Variants in TRPC5 observed in about 807,000 individuals in gnomAD.
TRPC5 encodes short transient receptor potential channel 5.
Under a neutral mutation model 56.5 loss-of-function variants are expected in TRPC5, and 9 were observed. The ratio of observed to expected loss-of-function variants is 0.16; its 90% CI spans 0.10 to 0.28. The LOEUF is 0.28. TRPC5 is among the 10% of genes least tolerant of loss of function. TRPC5 has a pLI of 1.00. For synonymous variants in TRPC5, 282 were observed against 278.5 expected, an observed-to-expected ratio of 1.01 and a Z score of -0.13; for missense variants, 469 against 748.9, an observed-to-expected ratio of 0.63 and a Z score of 4.36.
chrX:111,916,472 C>T (rs993329112), intron 2 of TRPC5, among the ~76,000 whole-genome samples: 9 of 111,964 alleles, frequency 8.0e-5, no homozygotes, highest in African/African-American at 2.9e-4. Context: ...CCAGGCTGTG[C>T]AGAGACCACG....
intron 1 of TRPC5, among the ~76,000 whole-genome samples, chrX:111,998,136 A>G (rs189251508): frequency 1.2e-3 from 137 of 111,367 alleles, no homozygotes; most frequent in African/African-American, 4.3e-3. Flanking sequence ...GGTTTTATCT[A>G]CCTTTGGTCT....
intron 7 of TRPC5, among the ~76,000 whole-genome samples, chrX:111,805,294 A>G (rs1165794227): frequency 8.9e-6 from 1 of 111,770 alleles, no homozygotes; most frequent in African/African-American, 3.3e-5. Context: ...TTCATCAGGG[A>G]TATTGGTCTA....
At chrX:111,878,019 G>C (rs977247250) in intron 3 of TRPC5, among the ~76,000 whole-genome samples, 1 of 111,301 alleles carries the variant, frequency 9.0e-6, no homozygotes, top group Non-Finnish European at 1.9e-5. Context: ...TACTGATAGA[G>C]AGTGGGAAGT....
At position 112,050,036 on chromosome X, in the gene TRPC5, C is replaced by T. The variant is rs148700921; in HGVS notation, c.-22+31843G>A. Reference sequence around the variant, plus strand: ...ACTAAAAATACAAAAATTAGCTGGGCGTGGTGGTGCGTGCCTGTAATCCCA... The same window carrying T: ...ACTAAAAATACAAAAATTAGCTGGGTGTGGTGGTGCGTGCCTGTAATCCCA... On this transcript the variant is annotated intron_variant, in intron 1 of 10. Coordinates refer to ENST00000262839, the MANE Select transcript of TRPC5 (RefSeq NM_012471.3). Among the ~76,000 whole-genome samples, 11 of 111,535 alleles carry T rather than the reference C, an allele frequency of 9.9e-5. No individual in the cohort carries two copies. In the East Asian group the frequency reaches 2.0e-3, roughly 20 times the overall value.
chrX:111,963,784 T>G (rs1055342970), intron 1 of TRPC5, among the ~76,000 whole-genome samples: 1 of 111,484 alleles, frequency 9.0e-6, no homozygotes, highest in African/African-American at 3.3e-5. Context: ...GAAGGAAAAC[T>G]AACAAACAGA....
At chrX:111,867,301 G>C (rs182427296) in intron 3 of TRPC5, among the ~76,000 whole-genome samples, 1 of 111,963 alleles carries the variant, frequency 8.9e-6, no homozygotes, top group Non-Finnish European at 1.9e-5. Context: ...ATTCAATCTG[G>C]ATCTATTTAG....
At chrX:111,800,592 C>T (rs1490114626) in intron 7 of TRPC5, among the ~76,000 whole-genome samples, 6 of 110,085 alleles carry the variant, frequency 5.5e-5, no homozygotes, top group Non-Finnish European at 7.6e-5. Flanking sequence ...TGGTGAAACC[C>T]CCTCTCTACT....
intron 1 of TRPC5, among the ~76,000 whole-genome samples, chrX:112,015,937 T>C (rs1929110236): frequency 9.0e-6 from 1 of 111,729 alleles, no homozygotes; most frequent in Non-Finnish European, 1.9e-5. Flanking sequence ...GTTAGAACTG[T>C]CTTCTAGTAT....
chrX:111,861,965 G>A (rs1278038568), intron 3 of TRPC5, among the ~76,000 whole-genome samples: 2 of 111,075 alleles, frequency 1.8e-5, no homozygotes, highest in African/African-American at 6.5e-5. Flanking sequence ...TATTTTTACT[G>A]GTGGGAACTG....
rs779104460 is a variant in TRPC5 at position 111,768,912 on chromosome X, T to C, written c.*7401A>G. On this transcript the variant is annotated 3_prime_UTR_variant, in exon 11 of 11. Coordinates refer to ENST00000262839, the MANE Select transcript of TRPC5 (RefSeq NM_012471.3). The stretch of plus-strand genomic sequence containing the variant: ...GGACTACAGGTTACTTTGCCTTGGA[T>C]ATTTAAACTGATTGCTTAATATGTT... Among the ~76,000 whole-genome samples the C allele has an allele frequency of 8.9e-5, 10 of 111,942 alleles. No homozygotes were observed. The highest frequency in any genetic ancestry group is 7.5e-4 in the South Asian group (2 of 2,674).
intron 3 of TRPC5, chrX:111,902,180 G>T: frequency 9.1e-7 from 1 of 1,103,804 alleles, no homozygotes; most frequent in Non-Finnish European, 1.2e-6. Context: ...CTTAACAGGT[G>T]ACTAAGACCC....
chrX:111,937,223 C>T, intron 2 of TRPC5, among the ~76,000 whole-genome samples: 1 of 105,064 alleles, frequency 9.5e-6, no homozygotes, highest in Non-Finnish European at 1.9e-5. Context: ...TGTTGGAGTT[C>T]ATTGTAGATT....
chrX:112,029,864 G>A (rs896670260), intron 1 of TRPC5, among the ~76,000 whole-genome samples: 1 of 101,198 alleles, frequency 9.9e-6, no homozygotes, highest in African/African-American at 3.7e-5. Context: ...TTTCGCTCTT[G>A]TTACCCAGAC....
At chrX:111,862,695 C>G (rs1178007121) in intron 3 of TRPC5, among the ~76,000 whole-genome samples, 2 of 112,179 alleles carry the variant, frequency 1.8e-5, no homozygotes, top group Admixed American at 9.5e-5. Flanking sequence ...GAAAACACTA[C>G]TATTTCCCCA....
intron 1 of TRPC5, among the ~76,000 whole-genome samples, chrX:111,984,136 GC>G (rs1198806407): frequency 2.7e-5 from 3 of 111,459 alleles, no homozygotes; most frequent in Non-Finnish European, 5.6e-5. Context: ...CGGGCTAAGA[GC>G]TGTTTCTCAA....
In TRPC5 at chrX:112,017,255, C is replaced by T. The variant is rs180777629; in HGVS notation, c.-22+64624G>A. ...GTCTTGATCTCTTGACCTCGTGATC[C>T]GCCCGCCTTGGCCTTCCAAAGTGCT... On this transcript the variant is annotated intron_variant, in intron 1 of 10. Coordinates refer to ENST00000262839, the MANE Select transcript of TRPC5 (RefSeq NM_012471.3). Among the ~76,000 whole-genome samples, 707 of 111,047 alleles carry T rather than the reference C, an allele frequency of 6.4e-3. 5 individuals carry two copies. Among genetic ancestry groups the T allele is most frequent in the African/African-American group, 0.022 (665 of 30,493 alleles).
intron 3 of TRPC5, among the ~76,000 whole-genome samples, chrX:111,859,939 C>A (rs779117573): frequency 6.4e-4 from 72 of 113,108 alleles, no homozygotes; most frequent in African/African-American, 2.3e-3. Flanking sequence ...GACGGAGTCT[C>A]GCTCTGTCGC....
At chrX:112,080,847 T>G (rs1487612078) in intron 1 of TRPC5, among the ~76,000 whole-genome samples, 1 of 112,308 alleles carries the variant, frequency 8.9e-6, no homozygotes, top group Non-Finnish European at 1.9e-5. Context: ...TTAAATGCCA[T>G]GAAGATAAAT....
At chrX:112,076,041 A>G (rs1306982693) in intron 1 of TRPC5, among the ~76,000 whole-genome samples, 1 of 112,180 alleles carries the variant, frequency 8.9e-6, no homozygotes, top group Non-Finnish European at 1.9e-5. Context: ...AGGTTGTGAG[A>G]ATTTGTTATG....
Sources: allele counts gnomAD v4.1 joint callset (sites outside exome capture counted in the v4.1 genomes callset), GRCh38; gene constraint gnomAD v4.1.1; transcripts MANE v1.5; gene names NCBI Gene and HGNC (gene_info 2026-07-23, HGNC 2026-07-21).